Variants in GFPT1 observed in about 807,000 individuals in gnomAD.
GFPT1 encodes glutamine--fructose-6-phosphate aminotransferase [isomerizing] 1.
A neutral mutation model predicts 92.0 loss-of-function variants in GFPT1; 40 were observed. That is an observed-to-expected ratio of 0.43 (90% CI 0.34 to 0.57). The LOEUF (loss-of-function observed/expected upper bound fraction) is 0.57, where lower values mean the gene tolerates loss of function less well. Ranked by LOEUF, GFPT1 falls within the 20% of genes least tolerant of loss-of-function variation. The pLI, the probability that GFPT1 is intolerant of heterozygous loss-of-function variation, is 0.02. For synonymous variants in GFPT1, 269 were observed against 280.6 expected (o/e 0.96, Z 0.41); for missense variants, 448 against 869.1 (o/e 0.52, Z 6.09).
chr2:69,326,572 T>C (rs1350664796), intron 19 of GFPT1, among the ~76,000 whole-genome samples: 1 of 152,194 alleles, frequency 6.6e-6, no homozygotes, highest in Non-Finnish European at 1.5e-5. Context: ...CCAGGAATGC[T>C]ACAAAGTCTT....
At position 69,322,679 on chromosome 2, in the gene GFPT1, G is replaced by A. The variant is rs569776051; in HGVS notation, c.*3510C>T. ...CCTGTAATAGCTCTCTTAACCAACA[G>A]CCCCATCTGCACATCACCAAGCACC... On this transcript the variant is annotated 3_prime_UTR_variant, in exon 20 of 20. Coordinates refer to ENST00000357308, the MANE Select transcript of GFPT1 (RefSeq NM_001244710.2). 1 of 152,292 alleles carries A rather than the reference G, an allele frequency of 6.6e-6. No individual in the cohort carries two copies. The highest frequency in any genetic ancestry group is 2.1e-4 in the South Asian group (1 of 4,828). 9.4% of individuals were successfully genotyped at this position (152,292 alleles called of 1,614,324 possible). A position where few individuals can be genotyped will look rare whatever the true frequency, so the allele number is the denominator to read the frequency against.
rs1243297691 is a variant in GFPT1 at position 69,361,802 on chromosome 2, G to T, written c.349+1743C>A. On this transcript the variant is annotated intron_variant, in intron 4 of 19. Coordinates refer to ENST00000357308, the MANE Select transcript of GFPT1 (RefSeq NM_001244710.2). ...GTAACCAGCCTGAGCAACAAAGCAAGACCCCTATCTCTACAAAAATAAAAT... is the reference window on the plus strand; with the variant it reads ...GTAACCAGCCTGAGCAACAAAGCAATACCCCTATCTCTACAAAAATAAAAT... Among the ~76,000 whole-genome samples, 4 of 152,128 alleles carry T rather than the reference G, an allele frequency of 2.6e-5. No homozygotes were observed. The East Asian group carries it at 7.8e-4, about 30-fold the overall frequency.
intron 13 of GFPT1, among the ~76,000 whole-genome samples, chr2:69,339,855 T>C (rs1246897185): frequency 6.6e-6 from 1 of 152,146 alleles, no homozygotes; most frequent in African/African-American, 2.4e-5. Flanking sequence ...TGCTCCTATT[T>C]TTTATTATTC....
chr2:69,326,276 A>C, intron 19 of GFPT1, 43 bp from the exon 20 acceptor site: 1 of 1,373,008 alleles, frequency 7.3e-7, no homozygotes, highest in Non-Finnish European at 1.0e-6. Flanking sequence ...GAGAGATTAT[A>C]TAGACTGGGG....
chr2:69,352,386 G>T (rs1416383319), intron 9 of GFPT1, among the ~76,000 whole-genome samples: 2 of 151,812 alleles, frequency 1.3e-5, no homozygotes, highest in African/African-American at 4.8e-5. Flanking sequence ...AGGCCGAGGT[G>T]GGCGGATCAT....
At chr2:69,348,378 C>A in intron 10 of GFPT1, 44 bp from the exon 11 acceptor site, 1 of 1,417,872 alleles carries the variant, frequency 7.1e-7, no homozygotes, top group South Asian at 1.1e-5. Context: ...AACCAAGGAT[C>A]ATTATTACAA....
intron 9 of GFPT1, among the ~76,000 whole-genome samples, chr2:69,353,029 G>C (rs1053625493): frequency 6.6e-6 from 1 of 151,972 alleles, no homozygotes; most frequent in Non-Finnish European, 1.5e-5. Context: ...CTGGGCAACA[G>C]AACAAGACTG....
Position 69,329,776 on chromosome 2 carries a change from G to T in GFPT1, c.1505C>A (p.Ser502Tyr). ...CATCATAAGGGCAAACATCACAAGG[G>T]ATACAAACTGGCTGGTATAAGCCTG... ...STKAYTSQFV[S>Y]LVMFALMMCD... The change falls in exon 16 of 20, where the codon TCC becomes TAC. Residue 502 changes from serine to tyrosine, a missense_variant. By Grantham distance (144) the Ser-to-Tyr change is moderately radical. Transcript: ENST00000357308. 1 of 1,605,568 alleles carries T rather than the reference G, an allele frequency of 6.2e-7. No individual in the cohort carries two copies. Among genetic ancestry groups the T allele is most frequent in the Non-Finnish European group, 8.5e-7 (1 of 1,172,110 alleles).
At chr2:69,328,723 CAG>C (rs1670590655) in intron 17 of GFPT1, among the ~76,000 whole-genome samples, 1 of 100,272 alleles carries the variant, frequency 1.0e-5, no homozygotes, top group Non-Finnish European at 2.0e-5. Flanking sequence ...TTTTTTAAGA[CAG>C]AGTCTTCTTC....
chr2:69,342,256 TAA>T lies in GFPT1; in HGVS notation c.1106-9_1106-8del, dbSNP rs746015009. 2.6e-5 allele frequency: 41 copies of T among 1,552,564 alleles called. 1 individual carries two copies. In the East Asian group the frequency reaches 8.8e-4, roughly 33 times the overall value. On this transcript the variant is annotated splice_region_variant and splice_polypyrimidine_tract_variant and intron_variant, in intron 12 of 19. Transcript: ENST00000357308. ...TTCAAACCACCCAAATTCACTGAAA[TAA>T]AAGTTTGTGTACATAATTATTTAGC...
At chr2:69,343,656 C>A (rs1671010967) in intron 12 of GFPT1, among the ~76,000 whole-genome samples, 1 of 152,082 alleles carries the variant, frequency 6.6e-6, no homozygotes, top group African/African-American at 2.4e-5. Flanking sequence ...AAGTAATCCA[C>A]CCACCTTGGC....
At chr2:69,354,948 G>C (rs1027291220) in intron 7 of GFPT1, among the ~76,000 whole-genome samples, 1 of 152,256 alleles carries the variant, frequency 6.6e-6, no homozygotes, top group South Asian at 2.1e-4. Context: ...AGGTTGGAGT[G>C]AGCCAAGATC....
intron 1 of GFPT1, among the ~76,000 whole-genome samples, chr2:69,383,291 C>T (rs1260370760): frequency 1.3e-5 from 2 of 152,208 alleles, no homozygotes; most frequent in South Asian, 2.1e-4. Flanking sequence ...ACTTGTGTTA[C>T]AAAACCCTTT....
intron 15 of GFPT1, among the ~76,000 whole-genome samples, chr2:69,331,970 C>T (rs901842933): frequency 3.3e-5 from 5 of 152,196 alleles, no homozygotes; most frequent in Admixed American, 2.0e-4. Flanking sequence ...TTAACTTTTA[C>T]GTAGTACTTT....
At chr2:69,362,509 A>G (rs1329853107) in intron 4 of GFPT1, among the ~76,000 whole-genome samples, 1 of 152,142 alleles carries the variant, frequency 6.6e-6, no homozygotes, top group Non-Finnish European at 1.5e-5. Context: ...CTTAAAAATA[A>G]AAAATAGGAC....
At chr2:69,340,146 T>G (rs989622961) in intron 13 of GFPT1, among the ~76,000 whole-genome samples, 1 of 144,434 alleles carries the variant, frequency 6.9e-6, no homozygotes, top group African/African-American at 2.6e-5. Context: ...GCAACTTTTT[T>G]TTTTTTTTTT....
At chr2:69,344,666 T>C (rs1413788823) in intron 12 of GFPT1, among the ~76,000 whole-genome samples, 1 of 151,992 alleles carries the variant, frequency 6.6e-6, no homozygotes, top group Non-Finnish European at 1.5e-5. Flanking sequence ...ATTTTTTTTT[T>C]TTGAGACAGG....
chr2:69,361,881 G>T (rs930393102), intron 4 of GFPT1, among the ~76,000 whole-genome samples: 4 of 152,154 alleles, frequency 2.6e-5, no homozygotes, highest in Admixed American at 1.3e-4. Flanking sequence ...TCAGGAGGCT[G>T]AGGCAGGAAG....
intron 1 of GFPT1, among the ~76,000 whole-genome samples, chr2:69,381,951 C>A (rs1204134656): frequency 2.6e-5 from 4 of 151,664 alleles, no homozygotes; most frequent in Non-Finnish European, 4.4e-5. Context: ...GCAACCTTCA[C>A]CTCCCAGGTC....
Sources: gnomAD v4.1 joint callset for allele counts (sites outside exome capture counted in the v4.1 genomes callset) on GRCh38, gnomAD v4.1.1 for gene constraint, MANE v1.5 for transcripts, NCBI Gene and HGNC (gene_info 2026-07-23, HGNC 2026-07-21) for gene names.